Variants in GALNTL5 observed in about 807,000 individuals in gnomAD.
The protein encoded by GALNTL5 is polypeptide N-acetylgalactosaminyltransferase like 5, also known as inactive polypeptide N-acetylgalactosaminyltransferase-like protein 5.
A neutral mutation model predicts 51.0 loss-of-function variants in GALNTL5; 44 were observed. The ratio of observed to expected loss-of-function variants is 0.86; its 90% CI spans 0.68 to 1.11. GALNTL5 has a LOEUF of 1.11. Ranked by LOEUF, GALNTL5 falls within the 50% of genes least tolerant of loss-of-function variation. The pLI is 0.00. For missense variants in GALNTL5, 528 were observed against 531.8 expected (o/e 0.99, Z 0.07); for synonymous variants, 192 against 182.8 (o/e 1.05, Z -0.41).
intron 1 of GALNTL5, among the ~76,000 whole-genome samples, chr7:151,965,967 TTA>T (rs199822310): frequency 2.0e-5 from 3 of 151,280 alleles, no homozygotes; most frequent in Non-Finnish European, 2.9e-5. Context: ...AAATTCACTA[TTA>T]TATATATATA....
chr7:151,989,971 G>T (rs2081407034), intron 5 of GALNTL5, among the ~76,000 whole-genome samples: 1 of 152,142 alleles, frequency 6.6e-6, no homozygotes. Flanking sequence ...TATGAACACT[G>T]AGAATATCGG....
intron 4 of GALNTL5, among the ~76,000 whole-genome samples, chr7:151,984,474 G>C (rs150942683): frequency 2.7e-4 from 41 of 152,296 alleles, no homozygotes; most frequent in African/African-American, 8.9e-4. Flanking sequence ...ATCCCATGAG[G>C]TTCACCCTGC....
At chr7:151,962,436 C>CTTTTTTTT (rs61210832) in intron 1 of GALNTL5, among the ~76,000 whole-genome samples, 4,208 of 115,616 alleles carry the variant, frequency 0.036, 232 homozygotes, top group African/African-American at 0.062. Flanking sequence ...ATTTTTTTTT[C>CTTTTTTTT]TTTTTTTTTT....
intron 7 of GALNTL5, among the ~76,000 whole-genome samples, chr7:152,014,064 T>C (rs2081774152): frequency 6.6e-6 from 1 of 152,222 alleles, no homozygotes. Context: ...AACCCCTTCA[T>C]CTTCATTGCT....
At chr7:151,973,324 G>C (rs1409016991) in intron 3 of GALNTL5, among the ~76,000 whole-genome samples, 3 of 151,896 alleles carry the variant, frequency 2.0e-5, no homozygotes, top group Non-Finnish European at 4.4e-5. Context: ...AATTAGCCAG[G>C]CATGGTGATG....
At chr7:152,007,699 T>G in intron 6 of GALNTL5, 128 bp from the exon 7 acceptor site, 3 of 684,208 alleles carry the variant, frequency 4.4e-6, no homozygotes, top group Non-Finnish European at 5.2e-6. Flanking sequence ...ATTACAGGCA[T>G]GAGCCTCCAC....
intron 7 of GALNTL5, among the ~76,000 whole-genome samples, chr7:152,010,103 A>T (rs1295066245): frequency 6.6e-6 from 1 of 151,842 alleles, no homozygotes; most frequent in African/African-American, 2.4e-5. Context: ...AGTGGCACAC[A>T]ATACGAAAGT....
At chr7:151,991,092 GTTGTTGT>G (rs1248759234) in intron 5 of GALNTL5, among the ~76,000 whole-genome samples, 1 of 133,946 alleles carries the variant, frequency 7.5e-6, no homozygotes, top group African/African-American at 4.0e-5. Context: ...TTTTGTTGTT[GTTGTTGT>G]TTGTTGTTGT....
intron 7 of GALNTL5, among the ~76,000 whole-genome samples, chr7:152,010,599 C>G (rs888792964): frequency 9.9e-5 from 15 of 151,966 alleles, no homozygotes; most frequent in African/African-American, 3.1e-4. Context: ...GAAACCCCGT[C>G]TCTTCTAATA....
chr7:152,019,424 G>A (rs937688895), intron 8 of GALNTL5, among the ~76,000 whole-genome samples: 3 of 152,202 alleles, frequency 2.0e-5, no homozygotes, highest in South Asian at 2.1e-4. Flanking sequence ...CCTGGATCCC[G>A]CTAGGGTGCC....
intron 5 of GALNTL5, among the ~76,000 whole-genome samples, chr7:151,992,511 C>A (rs1294245567): frequency 1.3e-5 from 2 of 152,154 alleles, no homozygotes; most frequent in African/African-American, 2.4e-5. Flanking sequence ...AGCGGCGTCA[C>A]CCTCGGCTCC....
intron 1 of GALNTL5, among the ~76,000 whole-genome samples, chr7:151,966,359 C>T (rs1395559416): frequency 1.3e-5 from 2 of 151,922 alleles, no homozygotes; most frequent in Non-Finnish European, 2.9e-5. Flanking sequence ...CCTCCGCTTC[C>T]CAGGTTTAAG....
chr7:151,985,523 T>C (rs1369766514), intron 4 of GALNTL5, among the ~76,000 whole-genome samples: 4 of 152,136 alleles, frequency 2.6e-5, no homozygotes, highest in Non-Finnish European at 5.9e-5. Context: ...CTGACACCTA[T>C]AGGTATGGCC....
chr7:151,965,696 T>C (rs6963360), intron 1 of GALNTL5, among the ~76,000 whole-genome samples: 8,134 of 152,144 alleles, frequency 0.053, 282 homozygotes, highest in East Asian at 0.2. Context: ...CTGGGCAACA[T>C]AGTGAGACCT....
At chr7:151,956,691 T>C (rs1240020777) in intron 1 of GALNTL5, 82 bp downstream of exon 1, 1 of 152,154 alleles carries the variant, frequency 6.6e-6, no homozygotes, top group African/African-American at 2.4e-5. Context: ...GCGGAAGCAG[T>C]ACATCAAATC....
In GALNTL5 at chr7:152,019,631, T is replaced by C. The variant is rs1253248179; in HGVS notation, c.1177-15T>C. ...TTTGGTTGAACGTAACGACTGACTC[T>C]ATATTTTCATTTAGGAGCAGTTTTT... On this transcript the variant is annotated splice_polypyrimidine_tract_variant and intron_variant, in intron 8 of 8. Transcript: ENST00000392800. The C allele has an allele frequency of 1.9e-6, 3 of 1,607,344 alleles. No individual in the cohort carries two copies. Among genetic ancestry groups the C allele is most frequent in the African/African-American group, 2.7e-5 (2 of 74,828 alleles).
At chr7:151,963,471 C>T (rs1378292957) in intron 1 of GALNTL5, among the ~76,000 whole-genome samples, 1 of 152,228 alleles carries the variant, frequency 6.6e-6, no homozygotes, top group Non-Finnish European at 1.5e-5. Flanking sequence ...AATCTAGGCT[C>T]ACTGCAATCT....
intron 5 of GALNTL5, among the ~76,000 whole-genome samples, chr7:151,995,685 T>C (rs974245180): frequency 6.6e-6 from 1 of 152,094 alleles, no homozygotes; most frequent in African/African-American, 2.4e-5. Flanking sequence ...TTTGGCATTA[T>C]GTACTAAATA....
chr7:151,967,627 T>C (rs1398257069), intron 2 of GALNTL5, 134 bp downstream of exon 2: 1 of 586,754 alleles, frequency 1.7e-6, no homozygotes, highest in South Asian at 2.7e-5. Context: ...TTATATAGTG[T>C]ATATATCTAT....
Sources: allele counts gnomAD v4.1 joint callset (sites outside exome capture counted in the v4.1 genomes callset), GRCh38; gene constraint gnomAD v4.1.1; transcripts MANE v1.5; gene names NCBI Gene and HGNC (gene_info 2026-07-23, HGNC 2026-07-21).